WDPCP: variants seen among roughly 807,000 people sequenced by gnomAD.
WDPCP encodes the protein WD repeat containing planar cell polarity effector, also known as WD repeat-containing and planar cell polarity effector protein fritz homolog.
WDPCP carries 71 observed loss-of-function variants against 93.1 expected under a neutral mutation model. The ratio of observed to expected loss-of-function variants is 0.76; its 90% confidence interval spans 0.63 to 0.93. The LOEUF is 0.93. Among genes scored for constraint, WDPCP ranks in the 40% least tolerant of loss-of-function variants. The pLI, the probability that WDPCP is intolerant of heterozygous loss-of-function variation, is 0.00. For missense variants in WDPCP, 844 were observed against 887.4 expected, an observed-to-expected ratio of 0.95 and a Z score of 0.62; for synonymous variants, 315 against 315.0, an observed-to-expected ratio of 1.00 and a Z score of 0.00.
chr2:63,766,763 A>G (rs761167743), intron 2 of WDPCP, among the ~76,000 whole-genome samples: 2 of 152,178 alleles, frequency 1.3e-5, no homozygotes, highest in Non-Finnish European at 2.9e-5. Flanking sequence ...AAAATTTACC[A>G]TCTTAACAAT....
At chr2:63,259,234 TCCAAACATAA>T in intron 14 of WDPCP, 63 bp downstream of exon 14, 3 of 1,305,302 alleles carry the variant, frequency 2.3e-6, no homozygotes, top group African/African-American at 1.5e-5. Flanking sequence ...ATCCATGTCC[TCCAAACATAA>T]ATAGAAATGA....
At chr2:63,432,576 G>A (rs891312607) in intron 9 of WDPCP, among the ~76,000 whole-genome samples, 1 of 152,124 alleles carries the variant, frequency 6.6e-6, no homozygotes, top group East Asian at 1.9e-4. Flanking sequence ...GAAATAATGA[G>A]TCAGCAAGTA....
At chr2:63,358,773 C>T (rs917928088) in intron 12 of WDPCP, among the ~76,000 whole-genome samples, 3 of 152,124 alleles carry the variant, frequency 2.0e-5, no homozygotes, top group African/African-American at 7.2e-5. Flanking sequence ...TCTCTTAACT[C>T]TACCACTAAC....
Position 63,433,812 on chromosome 2 carries a change from G to T in WDPCP, c.758C>A (p.Ala253Asp). Residue 253 changes from alanine (A) to aspartate (D), a missense_variant, in exon 9 of 18, where the codon GCC becomes GAC. Ala to Asp is a moderately radical substitution (Grantham distance 126). Coordinates refer to ENST00000272321, the MANE Select transcript of WDPCP (RefSeq NM_015910.7). ...PLVNDDAWPW[A>D]PISSEKDRAN... The stretch of plus-strand genomic sequence containing the variant: ...TCTGTCCTTCTCAGAAGAAATGGGG[G>T]CCCAAGGCCAAGCATCATCGTTGAC... 3.1e-6 allele frequency: 5 copies of T among 1,613,726 alleles called. No homozygotes were observed. Among genetic ancestry groups the T allele is most frequent in the Non-Finnish European group, 4.2e-6 (5 of 1,179,836 alleles).
intron 10 of WDPCP, among the ~76,000 whole-genome samples, chr2:63,394,946 T>C (rs1439082712): frequency 2.6e-5 from 4 of 151,994 alleles, no homozygotes; most frequent in Non-Finnish European, 5.9e-5. Flanking sequence ...ACTGTACTTA[T>C]TACCTGGGTG....
chr2:63,558,125 A>G (rs1422276155), intron 1 of WDPCP, among the ~76,000 whole-genome samples: 1 of 152,194 alleles, frequency 6.6e-6, no homozygotes, highest in African/African-American at 2.4e-5. Flanking sequence ...CCAAGTTCAG[A>G]GCAGAACTGA....
At chr2:63,272,590 CAG>C (rs1352078958) in intron 13 of WDPCP, among the ~76,000 whole-genome samples, 7 of 152,108 alleles carry the variant, frequency 4.6e-5, no homozygotes. Flanking sequence ...TTAAAACAAT[CAG>C]AAACACAACT....
At chr2:63,716,259 T>C (rs1669335827) in intron 2 of WDPCP, among the ~76,000 whole-genome samples, 2 of 152,192 alleles carry the variant, frequency 1.3e-5, no homozygotes, top group Non-Finnish European at 2.9e-5. Flanking sequence ...AGTAACTTAA[T>C]AGACCTCTCT....
At chr2:63,542,709 A>C (rs899386330) in intron 1 of WDPCP, among the ~76,000 whole-genome samples, 1 of 152,196 alleles carries the variant, frequency 6.6e-6, no homozygotes, top group African/African-American at 2.4e-5. Context: ...ATAAATTTAA[A>C]ATGAAAATAT....
At chr2:63,480,476 C>T (rs1429673304) in intron 6 of WDPCP, among the ~76,000 whole-genome samples, 3 of 152,120 alleles carry the variant, frequency 2.0e-5, no homozygotes, top group African/African-American at 7.2e-5. Context: ...CATTTCCTGA[C>T]TTCGAACTAT....
At chr2:63,153,033 G>A in intron 16 of WDPCP, 88 bp from the exon 17 acceptor site, 1 of 1,063,914 alleles carries the variant, frequency 9.4e-7, no homozygotes, top group Non-Finnish European at 1.4e-6. Flanking sequence ...AAACAGAAAT[G>A]CTTAAAATAA....
chr2:63,139,139 G>A (rs1422428381), intron 17 of WDPCP, among the ~76,000 whole-genome samples: 1 of 147,670 alleles, frequency 6.8e-6, no homozygotes, highest in East Asian at 2.0e-4. Flanking sequence ...ATACATGTAT[G>A]TGTGTGTATA....
intron 3 of WDPCP, among the ~76,000 whole-genome samples, chr2:63,625,226 G>A (rs1263218107): frequency 1.3e-5 from 2 of 152,004 alleles, no homozygotes; most frequent in African/African-American, 4.8e-5. Flanking sequence ...AATATCATAC[G>A]GAATGGGCAA....
At chr2:63,768,195 T>C (rs938502384) in intron 2 of WDPCP, among the ~76,000 whole-genome samples, 3 of 152,120 alleles carry the variant, frequency 2.0e-5, no homozygotes, top group Non-Finnish European at 4.4e-5. Flanking sequence ...TTTTCCTGAA[T>C]TGACTTTGTA....
At chr2:63,432,475 T>C (rs945192764) in intron 9 of WDPCP, among the ~76,000 whole-genome samples, 3 of 152,160 alleles carry the variant, frequency 2.0e-5, no homozygotes, top group Non-Finnish European at 4.4e-5. Context: ...TGGTATGAAA[T>C]ACAGTGTTTT....
rs189134162 is a variant in WDPCP at position 63,141,227 on chromosome 2, C to T, written c.2190+11687G>A. ...CCGAGTAGTTGGGATTACAGGCGTG[C>T]GCCACCAGGCCCGGCTAATTTTTGT... On this transcript the variant is annotated intron_variant, in intron 17 of 17. Transcript: ENST00000272321. Among the ~76,000 whole-genome samples the T allele has an allele frequency of 8.9e-4, 136 of 152,032 alleles. 1 individual carries two copies. In the East Asian group the frequency reaches 0.012, roughly 13 times the overall value.
intron 3 of WDPCP, chr2:63,606,173 G>C: frequency 1.3e-6 from 1 of 765,070 alleles, no homozygotes; most frequent in South Asian, 1.5e-5. Flanking sequence ...CTTGAGCCCA[G>C]GAGTTCAAGA....
chr2:63,514,043 A>T (rs1702404498), intron 1 of WDPCP, among the ~76,000 whole-genome samples: 1 of 152,172 alleles, frequency 6.6e-6, no homozygotes, highest in African/African-American at 2.4e-5. Context: ...CTTTCAAAGT[A>T]AGAAGGTAAT....
At chr2:63,642,690 A>T (rs1709995193) in intron 3 of WDPCP, 1 of 152,012 alleles carries the variant, frequency 6.6e-6, no homozygotes, top group Non-Finnish European at 1.5e-5. Context: ...ATCTTGTAAC[A>T]GTTTTTGTGT....
Sources: allele counts gnomAD v4.1 joint callset (sites outside exome capture counted in the v4.1 genomes callset), GRCh38; gene constraint gnomAD v4.1.1; transcripts MANE v1.5; gene names NCBI Gene and HGNC (gene_info 2026-07-23, HGNC 2026-07-21).